The following FDFT1 variants were observed in gnomAD, a reference collection of about 807,000 sequenced individuals.
FDFT1 encodes farnesyl-diphosphate farnesyltransferase 1.
A neutral mutation model predicts 46.8 loss-of-function variants in FDFT1; 68 were observed. The ratio of observed to expected loss-of-function variants is 1.45; its 90% CI spans 1.19 to 1.78. FDFT1 has a LOEUF of 1.78. Ranked by LOEUF, FDFT1 falls within the 40% of genes most tolerant of loss-of-function variation. The pLI, the probability that FDFT1 is intolerant of heterozygous loss-of-function variation, is 0.00. For synonymous variants in FDFT1, 351 were observed against 185.1 expected (o/e 1.90, Z -7.28); for missense variants, 928 against 524.4 (o/e 1.77, Z -7.52).
intron 3 of FDFT1, among the ~76,000 whole-genome samples, chr8:11,817,155 T>A (rs544077314): frequency 2.0e-5 from 3 of 152,226 alleles, no homozygotes; most frequent in Admixed American, 2.0e-4. Context: ...AGGTTCTGTT[T>A]ATGTGATGGA....
intron 1 of FDFT1, chr8:11,803,261 G>C: frequency 7.4e-7 from 1 of 1,349,988 alleles, no homozygotes; most frequent in Non-Finnish European, 9.7e-7. Flanking sequence ...CTGAGGCAAT[G>C]TGGGTGGGTT....
At position 11,838,735 on chromosome 8, in the gene FDFT1, G is replaced by C; in HGVS notation, c.*126G>C. 1 of 770,332 alleles carries C rather than the reference G, an allele frequency of 1.3e-6. No homozygotes were observed. The highest frequency in any genetic ancestry group is 2.2e-6 in the Non-Finnish European group (1 of 460,112). The allele number at this position is 770,332 out of a possible 1,614,324, so 47.7% of individuals were successfully genotyped here. ...ATCCCTAAAAGAACGCTGTGTGGCT[G>C]GGACCTTTAGGAAAGTGAAATGCAG... is the stretch of plus-strand genomic sequence containing the variant. On this transcript the variant is annotated 3_prime_UTR_variant, in exon 8 of 8. Coordinates refer to ENST00000220584, the MANE Select transcript of FDFT1 (RefSeq NM_004462.5).
At chr8:11,832,551 C>CAAAAAAAAAAAAAAAAAAAAAAA (rs531759815) in intron 7 of FDFT1, among the ~76,000 whole-genome samples, 6 of 36,372 alleles carry the variant, frequency 1.6e-4, no homozygotes, top group Admixed American at 4.7e-4. Flanking sequence ...GACTTTGTCT[C>CAAAAAAAAAAAAAAAAAAAAAAA]AAAAAAAAAA....
intron 5 of FDFT1, among the ~76,000 whole-genome samples, chr8:11,827,768 C>T (rs1810204708): frequency 6.6e-6 from 1 of 151,972 alleles, no homozygotes; most frequent in Admixed American, 6.6e-5. Flanking sequence ...GGGGGCTGGG[C>T]AAGGTGGCTC....
In FDFT1 at chr8:11,808,460, C is replaced by T. The variant is rs917930666; in HGVS notation, c.100-334C>T. The stretch of plus-strand genomic sequence containing the variant: ...CGAGCCCGTCCCGCCCCTCGTCGGG[C>T]GCTTCCCAGATCTGCTTGAGTCTAT... On this transcript the variant is annotated intron_variant, in intron 1 of 7. Coordinates refer to ENST00000220584, the MANE Select transcript of FDFT1 (RefSeq NM_004462.5). 8.7e-6 allele frequency: 11 copies of T among 1,269,276 alleles called. No homozygotes were observed. The Admixed American group carries it at 1.2e-4, about 14-fold the overall frequency. 78.6% of individuals were successfully genotyped at this position (1,269,276 alleles called of 1,614,324 possible).
At chr8:11,819,686 C>T (rs908540734) in intron 3 of FDFT1, among the ~76,000 whole-genome samples, 3 of 151,994 alleles carry the variant, frequency 2.0e-5, no homozygotes, top group African/African-American at 7.3e-5. Context: ...CTTTGGTTTT[C>T]AGCTCCATCA....
chr8:11,829,544 GTT>G (rs1810482570), intron 5 of FDFT1, among the ~76,000 whole-genome samples: 1 of 152,192 alleles, frequency 6.6e-6, no homozygotes, highest in African/African-American at 2.4e-5. Context: ...TCTTGAGAAG[GTT>G]TACTGTTTAG....
intron 7 of FDFT1, among the ~76,000 whole-genome samples, chr8:11,833,106 A>G (rs1811073509): frequency 6.6e-6 from 1 of 152,230 alleles, no homozygotes; most frequent in Non-Finnish European, 1.5e-5. Flanking sequence ...GGAAGACCAC[A>G]TCGCTTTTAA....
Position 11,821,741 on chromosome 8 carries a change from C to A in FDFT1, c.382-9C>A. 1 of 1,612,562 alleles carries A rather than the reference C, an allele frequency of 6.2e-7. No homozygotes were observed. The highest frequency in any genetic ancestry group is 8.5e-7 in the Non-Finnish European group (1 of 1,178,966). ...CATGATTTCTGTGTTTTTACGGTTT[C>A]CATTTCAGATCTCCCTTGAGTTTAG... is the stretch of plus-strand genomic sequence containing the variant. On this transcript the variant is annotated splice_polypyrimidine_tract_variant and intron_variant, in intron 3 of 7. Coordinates refer to ENST00000220584, the MANE Select transcript of FDFT1 (RefSeq NM_004462.5).
At chr8:11,837,001 C>T (rs886146732) in intron 7 of FDFT1, among the ~76,000 whole-genome samples, 16 of 152,206 alleles carry the variant, frequency 1.1e-4, no homozygotes, top group African/African-American at 2.4e-4. Context: ...TCCATTTCCA[C>T]GTAAGTGGAA....
chr8:11,817,905 T>A (rs1403143809), intron 3 of FDFT1, among the ~76,000 whole-genome samples: 1 of 152,154 alleles, frequency 6.6e-6, no homozygotes, highest in Non-Finnish European at 1.5e-5. Flanking sequence ...TTTACTAGCT[T>A]TTCAATTTGT....
chr8:11,809,302 G>C, intron 2 of FDFT1: 2 of 1,089,362 alleles, frequency 1.8e-6, no homozygotes, highest in Non-Finnish European at 2.2e-6. Context: ...ATGTATGATC[G>C]TATTTATACT....
At chr8:11,835,642 G>A (rs748971826) in intron 7 of FDFT1, among the ~76,000 whole-genome samples, 1 of 152,156 alleles carries the variant, frequency 6.6e-6, no homozygotes, top group Non-Finnish European at 1.5e-5. Context: ...CCAAAAGGAT[G>A]TAAGATGGCT....
upstream of FDFT1, among the ~76,000 whole-genome samples, chr8:11,797,294 T>C (rs949805968): frequency 3.3e-5 from 5 of 152,132 alleles, no homozygotes; most frequent in African/African-American, 1.2e-4. Flanking sequence ...CATGGTTCTG[T>C]TATATAGTGT....
intron 6 of FDFT1, among the ~76,000 whole-genome samples, chr8:11,831,236 T>C (rs1471196020): frequency 2.0e-5 from 3 of 152,240 alleles, no homozygotes; most frequent in Admixed American, 1.3e-4. Context: ...AAATGTTGGA[T>C]TTACTTGTGT....
rs746422066 is a variant in FDFT1, at chr8:11,830,236, C to G, written c.703-8C>G. The G allele has an allele frequency of 2.5e-6, 4 of 1,610,260 alleles. No individual in the cohort carries two copies. Among genetic ancestry groups the G allele is most frequent in the African/African-American group, 1.3e-5 (1 of 74,816 alleles). ...CTGACCTGTTCCTTAATCTTCTTAT[C>G]TGTCTAGGTTTGGAGCAGGTATGTT... On this transcript the variant is annotated splice_polypyrimidine_tract_variant and splice_region_variant and intron_variant, in intron 5 of 7. Coordinates refer to ENST00000220584, the MANE Select transcript of FDFT1 (RefSeq NM_004462.5).
At chr8:11,816,572 G>A (rs904835173) in intron 3 of FDFT1, among the ~76,000 whole-genome samples, 1 of 152,120 alleles carries the variant, frequency 6.6e-6, no homozygotes, top group Non-Finnish European at 1.5e-5. Flanking sequence ...TCTCTTTGAA[G>A]AGGTCCTTCA....
intron 6 of FDFT1, among the ~76,000 whole-genome samples, chr8:11,831,119 A>G (rs1810719024): frequency 6.6e-6 from 1 of 152,184 alleles, no homozygotes; most frequent in Non-Finnish European, 1.5e-5. Flanking sequence ...TATAATGATT[A>G]TGTTTGTTGT....
At chr8:11,795,617 A>G (rs1009127657) in exon 1 of FDFT1, 2 of 151,168 alleles carry the variant, frequency 1.3e-5, no homozygotes, top group Admixed American at 6.6e-5. Context: ...ACGCTTGGGA[A>G]GCTTTGTTGT....
Sources: gnomAD v4.1 joint callset for allele counts (sites outside exome capture counted in the v4.1 genomes callset) on GRCh38, gnomAD v4.1.1 for gene constraint, MANE v1.5 for transcripts, NCBI Gene and HGNC (gene_info 2026-07-23, HGNC 2026-07-21) for gene names.